Variants in ARHGEF38 observed in about 807,000 individuals in gnomAD.
ARHGEF38 encodes Rho guanine nucleotide exchange factor 38, also known as Rho guanine nucleotide exchange factor (GEF) 38.
A neutral mutation model predicts 79.9 loss-of-function variants in ARHGEF38; 79 were observed. That is an observed-to-expected ratio of 0.99 (90% CI 0.82 to 1.19). The LOEUF (loss-of-function observed/expected upper bound fraction) is 1.19, where lower values mean the gene tolerates loss of function less well. Among genes scored for constraint, ARHGEF38 ranks in the 50% most tolerant of loss-of-function variants. The pLI, the probability that ARHGEF38 is intolerant of heterozygous loss-of-function variation, is 0.00. For missense variants in ARHGEF38, 962 were observed against 907.2 expected, an observed-to-expected ratio of 1.06 and a Z score of -0.78; for synonymous variants, 366 against 328.3, an observed-to-expected ratio of 1.11 and a Z score of -1.24.
At position 105,572,142 on chromosome 4, in the gene ARHGEF38, T is replaced by C. The variant is rs144918666; in HGVS notation, c.197-17106T>C. ...TTTTAAAACTCACAGAAGACTTTTT[T>C]TTAAGAAGAGAAGATCTGTTTTGTT... On this transcript the variant is annotated intron_variant, in intron 1 of 13. Coordinates refer to ENST00000420470, the MANE Select transcript of ARHGEF38 (RefSeq NM_001242729.2). Among the ~76,000 whole-genome samples, 234 of 151,898 alleles carry C rather than the reference T, an allele frequency of 1.5e-3. 1 individual carries two copies. The highest frequency in any genetic ancestry group is 5.5e-3 in the African/African-American group (229 of 41,398).
intron 1 of ARHGEF38, 85 bp from the exon 2 acceptor site, chr4:105,589,163 C>A (rs1247994344): frequency 7.1e-6 from 8 of 1,124,436 alleles, no homozygotes; most frequent in Non-Finnish European, 1.0e-5. Context: ...TCCTTGTTAA[C>A]AAAGTCCTTC....
intron 2 of ARHGEF38, among the ~76,000 whole-genome samples, chr4:105,607,355 C>G (rs1728092884): frequency 6.6e-6 from 1 of 152,032 alleles, no homozygotes; most frequent in Non-Finnish European, 1.5e-5. Context: ...TATTCAGAGC[C>G]TAGTGAATTG....
chr4:105,666,933 T>C (rs1443943269), intron 11 of ARHGEF38, among the ~76,000 whole-genome samples, 196 bp from the exon 12 acceptor site: 1 of 152,206 alleles, frequency 6.6e-6, no homozygotes, highest in Admixed American at 6.5e-5. Context: ...CTGTGCTTAC[T>C]AGAAACATTT....
At chr4:105,646,974 A>G (rs1232846458) in intron 6 of ARHGEF38, among the ~76,000 whole-genome samples, 1 of 152,188 alleles carries the variant, frequency 6.6e-6, no homozygotes, top group Non-Finnish European at 1.5e-5. Context: ...CAGATATTAT[A>G]AGCCCCAATA....
At chr4:105,592,962 T>G (rs1727409678) in intron 2 of ARHGEF38, among the ~76,000 whole-genome samples, 1 of 152,164 alleles carries the variant, frequency 6.6e-6, no homozygotes, top group Non-Finnish European at 1.5e-5. Flanking sequence ...TTTACTCCAG[T>G]CTGTGTCCTT....
chr4:105,612,091 T>A (rs924016625), intron 2 of ARHGEF38, among the ~76,000 whole-genome samples: 2 of 152,118 alleles, frequency 1.3e-5, no homozygotes, highest in Admixed American at 1.3e-4. Flanking sequence ...ACCAAAATAA[T>A]ATTGGTATCC....
intron 3 of ARHGEF38, among the ~76,000 whole-genome samples, chr4:105,627,538 G>T (rs1197171666): frequency 6.6e-6 from 1 of 152,176 alleles, no homozygotes; most frequent in African/African-American, 2.4e-5. Flanking sequence ...TTAAAAGGGT[G>T]CATTTTTTTT....
At chr4:105,571,257 A>T (rs1197219805) in intron 1 of ARHGEF38, among the ~76,000 whole-genome samples, 1 of 152,116 alleles carries the variant, frequency 6.6e-6, no homozygotes, top group East Asian at 1.9e-4. Flanking sequence ...TTGTTATTAA[A>T]ATTATTGAAA....
At chr4:105,656,800 G>T (rs941528223) in intron 9 of ARHGEF38, among the ~76,000 whole-genome samples, 1 of 152,022 alleles carries the variant, frequency 6.6e-6, no homozygotes. Flanking sequence ...ACATCAAGAC[G>T]TTGTGACAAC....
chr4:105,639,525 A>G (rs903880603), intron 5 of ARHGEF38, among the ~76,000 whole-genome samples: 1 of 152,046 alleles, frequency 6.6e-6, no homozygotes, highest in Non-Finnish European at 1.5e-5. Context: ...TAGATTTAAT[A>G]TTTGACCTAT....
intron 1 of ARHGEF38, among the ~76,000 whole-genome samples, chr4:105,562,077 T>C (rs189722831): frequency 3.9e-4 from 60 of 152,288 alleles, no homozygotes; most frequent in South Asian, 3.1e-3. Flanking sequence ...ACTTTTCTCA[T>C]GGTAAATTTA....
intron 4 of ARHGEF38, among the ~76,000 whole-genome samples, chr4:105,635,117 A>G (rs911885159): frequency 6.6e-6 from 1 of 152,138 alleles, no homozygotes; most frequent in Non-Finnish European, 1.5e-5. Flanking sequence ...TCAAAGTATA[A>G]TGTGTTCATG....
At chr4:105,681,533 T>C (rs1731310716), downstream of ARHGEF38, among the ~76,000 whole-genome samples, 1 of 152,138 alleles carries the variant, frequency 6.6e-6, no homozygotes, top group South Asian at 2.1e-4. Context: ...AAACTGTTTC[T>C]CTGATGCAGA....
chr4:105,590,942 C>T (rs1046601734), intron 2 of ARHGEF38, among the ~76,000 whole-genome samples: 2 of 151,734 alleles, frequency 1.3e-5, no homozygotes, highest in African/African-American at 4.8e-5. Flanking sequence ...TAATATTTTT[C>T]TTATTATTTT....
At chr4:105,668,542 T>C (rs990509834) in intron 13 of ARHGEF38, among the ~76,000 whole-genome samples, 1 of 152,202 alleles carries the variant, frequency 6.6e-6, no homozygotes, top group South Asian at 2.1e-4. Context: ...GTATACTTAA[T>C]GGTTCATTCC....
At chr4:105,658,557 A>C (rs541301498) in intron 9 of ARHGEF38, among the ~76,000 whole-genome samples, 34 of 152,252 alleles carry the variant, frequency 2.2e-4, no homozygotes, top group African/African-American at 7.5e-4. Context: ...TTTGGGGCTG[A>C]TATGGGAAGA....
At chr4:105,628,141 A>G (rs1463420321) in intron 3 of ARHGEF38, among the ~76,000 whole-genome samples, 2 of 152,298 alleles carry the variant, frequency 1.3e-5, no homozygotes, top group South Asian at 2.1e-4. Context: ...TTCATTGTGT[A>G]TAAAGATAAG....
At chr4:105,610,432 C>CT (rs1294976078) in intron 2 of ARHGEF38, among the ~76,000 whole-genome samples, 1 of 151,396 alleles carries the variant, frequency 6.6e-6, no homozygotes, top group Non-Finnish European at 1.5e-5. Flanking sequence ...CTCAGACTGT[C>CT]TTTTTTTAAA....
In ARHGEF38 at chr4:105,627,066, C is replaced by T. The variant is rs77664158; in HGVS notation, c.509-3832C>T. Among the ~76,000 whole-genome samples the T allele has an allele frequency of 5.4e-3, 829 of 152,226 alleles. 10 individuals carry two copies. Among genetic ancestry groups the T allele is most frequent in the African/African-American group, 0.019 (786 of 41,528 alleles). On this transcript the variant is annotated intron_variant, in intron 3 of 13. Coordinates refer to ENST00000420470, the MANE Select transcript of ARHGEF38 (RefSeq NM_001242729.2). Reference sequence around the variant, plus strand: ...TTTACTTTTCACATAGTATGGTAAACGGAAGTTCAGTCTTCTCTCTCTCCC... The same window carrying T: ...TTTACTTTTCACATAGTATGGTAAATGGAAGTTCAGTCTTCTCTCTCTCCC...
Sources: allele counts gnomAD v4.1 joint callset (sites outside exome capture counted in the v4.1 genomes callset), GRCh38; gene constraint gnomAD v4.1.1; transcripts MANE v1.5; gene names NCBI Gene and HGNC (gene_info 2026-07-23, HGNC 2026-07-21).